Variants in DENND1C observed in about 807,000 individuals in gnomAD.
DENND1C encodes the protein DENN domain-containing protein 1C.
A neutral mutation model predicts 87.9 loss-of-function variants in DENND1C; 64 were observed. That is an observed-to-expected ratio of 0.73 (90% CI 0.60 to 0.90). DENND1C has a LOEUF of 0.90. Among genes scored for constraint, DENND1C ranks in the 40% least tolerant of loss-of-function variants. DENND1C has a pLI of 0.00. For missense variants in DENND1C, 980 were observed against 1,037.0 expected, an observed-to-expected ratio of 0.95 and a Z score of 0.76; for synonymous variants, 384 against 424.4, an observed-to-expected ratio of 0.90 and a Z score of 1.17.
At chr19:6,476,262 G>A (rs897427175) in intron 10 of DENND1C, 2 of 339,314 alleles carry the variant, frequency 5.9e-6, no homozygotes, top group East Asian at 6.2e-5. Context: ...AAGAGGTGGA[G>A]CTATGACGTA....
Position 6,479,877 on chromosome 19 carries a change from A to C in DENND1C, c.108T>G (p.Pro36=). ...TGAATACCTGGTCCCTGAAGTCTGG[A>C]GGGAACTGCCGCAGGATGGGGGGAT... The part of the protein sequence containing the change: ...QEDPPILRQF[P]PDFRDQEAMQ... Residue 36 remains proline, a synonymous_variant, in exon 3 of 23, where the codon CCT becomes CCG. Coordinates refer to ENST00000381480, the MANE Select transcript of DENND1C (RefSeq NM_024898.4). 6.2e-7 allele frequency: 1 copy of C among 1,609,162 alleles called. No individual in the cohort carries two copies. Among genetic ancestry groups the C allele is most frequent in the Non-Finnish European group, 8.5e-7 (1 of 1,177,792 alleles).
At chr19:6,469,246 G>A (rs576644234) in intron 19 of DENND1C, among the ~76,000 whole-genome samples, 5 of 152,162 alleles carry the variant, frequency 3.3e-5, no homozygotes, top group African/African-American at 9.6e-5. Flanking sequence ...GGTCGGGCTG[G>A]TCTAGAACTC....
chr19:6,480,093 T>C (rs1381871596), intron 1 of DENND1C, 42 bp from the exon 2 acceptor site: 21 of 1,574,690 alleles, frequency 1.3e-5, no homozygotes, highest in Non-Finnish European at 1.8e-5. Flanking sequence ...CTTCTATGCA[T>C]GTGTGGTTGT....
chr19:6,469,095 C>T (rs948913938), intron 19 of DENND1C, 142 bp from the exon 20 acceptor site: 9 of 486,234 alleles, frequency 1.9e-5, no homozygotes, highest in African/African-American at 1.6e-4. Context: ...GCAGTGGTGC[C>T]ATCTCGGCTC....
intron 19 of DENND1C, 130 bp from the exon 20 acceptor site, chr19:6,469,083 G>A: frequency 3.8e-6 from 2 of 521,610 alleles, no homozygotes; most frequent in Non-Finnish European, 6.2e-6. Flanking sequence ...CCAGGCTGGA[G>A]TGCAGTGGTG....
At position 6,470,351 on chromosome 19, in the gene DENND1C, G is replaced by T; in HGVS notation, c.1306C>A (p.Leu436Ile). ...ADNLKKGGGA[L>I]LHSVKAKTQP... is the part of the protein sequence containing the mutation. ...GTCTTGGCCTTGACTGAGTGCAGGA[G>T]GGCGCCACCACCTTTCTGCGGGAGA... The change falls in exon 18 of 23, where the codon CTC becomes ATC. Residue 436 changes from leucine to isoleucine, a missense_variant. By Grantham distance (5) the Leu-to-Ile change is conservative. Transcript: ENST00000381480. The T allele has an allele frequency of 6.2e-7, 1 of 1,612,900 alleles. No individual in the cohort carries two copies. Among genetic ancestry groups the T allele is most frequent in the South Asian group, 1.1e-5 (1 of 90,744 alleles).
chr19:6,470,620 G>GTTTTTTTTTTTTTTT lies in DENND1C; in HGVS notation c.1291-269_1291-255dup, dbSNP rs35687922. 2.0e-3 allele frequency among the ~76,000 whole-genome samples: 230 copies of GTTTTTTTTTTTTTTT among 114,768 alleles called. 6 individuals carry two copies. The highest frequency in any genetic ancestry group is 2.4e-3 in the African/African-American group (72 of 29,482). The allele number at this position is 114,768 out of a possible 152,430, so 75.3% of individuals were successfully genotyped here. ...GAGTCTCAAAGAACAGTTTTTTTTT[G>GTTTTTTTTTTTTTTT]TTTTTTTTTTTTTTTTGCTGAGATG... On this transcript the variant is annotated intron_variant, in intron 17 of 22. Transcript: ENST00000381480.
intron 4 of DENND1C, 110 bp downstream of exon 4, chr19:6,479,557 AGG>A (rs2092886098): frequency 1.5e-6 from 2 of 1,353,874 alleles, no homozygotes; most frequent in South Asian, 2.4e-5. Flanking sequence ...TCTGAGTCTC[AGG>A]GTCCTCGAGT....
In DENND1C at chr19:6,478,950, G is replaced by A; in HGVS notation, c.283C>T (p.Leu95Phe). The A allele has an allele frequency of 6.2e-7, 1 of 1,613,922 alleles. No homozygotes were observed. The highest frequency in any genetic ancestry group is 1.3e-5 in the African/African-American group (1 of 75,042). ...CRLRAGTQSC[L>F]CILSHLPWFE... ...CATATCCCGCACCTGAGGATGCAGA[G>A]ACAGCTCTGGGTACCCGCCCGCAGG... The change falls in exon 5 of 23, where the codon CTC (leucine) becomes TTC (phenylalanine). Residue 95 changes from leucine (L) to phenylalanine (F), a missense_variant. By Grantham distance (22) the Leu-to-Phe change is conservative (BLOSUM62 0). Coordinates refer to ENST00000381480, the MANE Select transcript of DENND1C (RefSeq NM_024898.4).
chr19:6,481,105 T>C (rs957118254), intron 1 of DENND1C, among the ~76,000 whole-genome samples: 2 of 151,566 alleles, frequency 1.3e-5, no homozygotes, highest in Non-Finnish European at 2.9e-5. Flanking sequence ...GAGGGCAGGA[T>C]ACCTAGGTAC....
At chr19:6,469,850 C>A in intron 18 of DENND1C, 1 of 576,088 alleles carries the variant, frequency 1.7e-6, no homozygotes, top group Non-Finnish European at 3.1e-6. Context: ...CAGTCATCCC[C>A]AAAGAAAATG....
intron 17 of DENND1C, among the ~76,000 whole-genome samples, 191 bp from the exon 18 acceptor site, chr19:6,470,557 T>G (rs915051547): frequency 6.6e-6 from 1 of 151,630 alleles, no homozygotes; most frequent in African/African-American, 2.4e-5. Flanking sequence ...TGAGACACAC[T>G]TAAGTGTTTT....
At chr19:6,470,410 C>T (rs761763152) in intron 17 of DENND1C, 44 bp from the exon 18 acceptor site, 2 of 1,578,126 alleles carry the variant, frequency 1.3e-6, no homozygotes, top group Non-Finnish European at 1.7e-6. Context: ...AGGGCCAGAT[C>T]CCACCTCCCC....
chr19:6,479,407 A>G (rs192361462), intron 4 of DENND1C, among the ~76,000 whole-genome samples: 32 of 130,962 alleles, frequency 2.4e-4, no homozygotes, highest in African/African-American at 1.3e-3. Flanking sequence ...TGTGTCCCTG[A>G]GTCCTTGAGT....
rs559279463 is a variant in DENND1C, at chr19:6,481,587, C to A, written c.17+92G>T. 872 of 1,574,922 alleles carry A rather than the reference C, an allele frequency of 5.5e-4. 6 individuals carry two copies. In the African/African-American group the frequency reaches 1.0e-2, roughly 18 times the overall value. ...TGCCCTGGCAGGTCACTGCACCTCC[C>A]GGGCCTGCTCCAGCCCCAGCTCCCC... On this transcript the variant is annotated intron_variant, in intron 1 of 22. Coordinates refer to ENST00000381480, the MANE Select transcript of DENND1C (RefSeq NM_024898.4).
rs202082317 is a variant in DENND1C at position 6,471,112 on chromosome 19, A to AT, written c.1290+152dup. On this transcript the variant is annotated intron_variant, in intron 17 of 22. Coordinates refer to ENST00000381480, the MANE Select transcript of DENND1C (RefSeq NM_024898.4). ...CTGGGACTACAGCTACACCTAGCGA[A>AT]TTTTTTTTTTTTCAGTAGAGATGGG... Among the ~76,000 whole-genome samples the AT allele has an allele frequency of 3.0e-3, 436 of 146,386 alleles. 2 individuals are homozygous for AT. The highest frequency in any genetic ancestry group is 6.1e-3 in the Admixed American group (88 of 14,542).
chr19:6,472,073 C>T (rs2092832466), intron 15 of DENND1C, among the ~76,000 whole-genome samples: 3 of 152,204 alleles, frequency 2.0e-5, no homozygotes, highest in African/African-American at 7.2e-5. Flanking sequence ...GAACTACCCA[C>T]CCGCTCTCAT....
chr19:6,476,708 A>G, intron 10 of DENND1C, 149 bp downstream of exon 10: 1 of 780,782 alleles, frequency 1.3e-6, no homozygotes, highest in East Asian at 2.8e-5. Context: ...CCAGAGTTCA[A>G]CTCTCCAAGA....
At chr19:6,473,038 C>A in intron 14 of DENND1C, 45 bp from the exon 15 acceptor site, 2 of 1,379,634 alleles carry the variant, frequency 1.4e-6, no homozygotes, top group South Asian at 3.1e-5. Context: ...GTGCTCCTGG[C>A]CCTCCCTCAT....
Sources: gnomAD v4.1 joint callset for allele counts (sites outside exome capture counted in the v4.1 genomes callset) on GRCh38, gnomAD v4.1.1 for gene constraint, MANE v1.5 for transcripts, NCBI Gene and HGNC (gene_info 2026-07-23, HGNC 2026-07-21) for gene names.